Variants in DST observed in about 807,000 individuals in gnomAD.
DST encodes the protein bullous pemphigoid antigen.
In DST, 253 loss-of-function variants were observed where a neutral mutation model predicts 875.2. The ratio of observed to expected loss-of-function variants is 0.29; its 90% CI spans 0.26 to 0.32. DST has a LOEUF of 0.32. Among genes scored for constraint, DST ranks in the 10% least tolerant of loss-of-function variants. DST has a pLI of 1.00. For synonymous variants in DST, 3,124 were observed against 3,197.1 expected (o/e 0.98, Z 0.77); for missense variants, 8,287 against 9,111.6 (o/e 0.91, Z 3.68).
intron 3 of DST, among the ~76,000 whole-genome samples, chr6:56,889,223 T>C (rs1786111000): frequency 6.6e-6 from 1 of 152,176 alleles, no homozygotes; most frequent in Non-Finnish European, 1.5e-5. Flanking sequence ...TACAAATAAT[T>C]CTCACATCTT....
At position 56,458,133 on chromosome 6, in the gene DST, C is replaced by A. The variant is rs567385337; in HGVS notation, c.*872G>T. The stretch of plus-strand genomic sequence containing the variant: ...AACATGATTATTTCAGATGAGAAAT[C>A]AAAATAAACCCATTTTTAAGTATCT... On this transcript the variant is annotated 3_prime_UTR_variant, in exon 104 of 104. Transcript: ENST00000680361. The A allele has an allele frequency of 6.6e-6, 1 of 152,362 alleles. No individual in the cohort carries two copies. Among genetic ancestry groups the A allele is most frequent in the South Asian group, 2.1e-4 (1 of 4,792 alleles). 9.4% of individuals were successfully genotyped at this position (152,362 alleles called of 1,614,324 possible).
At chr6:56,707,569 G>A (rs193276437) in intron 5 of DST, among the ~76,000 whole-genome samples, 3 of 152,288 alleles carry the variant, frequency 2.0e-5, no homozygotes, top group Admixed American at 1.3e-4. Flanking sequence ...TAATAGTGCT[G>A]AGAATTCTGT....
intron 49 of DST, among the ~76,000 whole-genome samples, chr6:56,583,126 G>C (rs2098058031): frequency 6.6e-6 from 1 of 152,168 alleles, no homozygotes; most frequent in African/African-American, 2.4e-5. Context: ...TGGGATGGCT[G>C]GGTCAAATAG....
intron 4 of DST, among the ~76,000 whole-genome samples, chr6:56,781,892 A>C (rs543953617): frequency 1.3e-5 from 2 of 152,044 alleles, no homozygotes; most frequent in Admixed American, 1.3e-4. Flanking sequence ...TTTGAGATAC[A>C]TCCCATCAAT....
At chr6:56,807,136 C>T (rs560048442) in intron 4 of DST, among the ~76,000 whole-genome samples, 1 of 152,236 alleles carries the variant, frequency 6.6e-6, no homozygotes, top group Non-Finnish European at 1.5e-5. Context: ...CTGCAACCTC[C>T]GCTTCCCAGG....
intron 78 of DST, among the ~76,000 whole-genome samples, chr6:56,502,256 T>G (rs2152459874): frequency 6.6e-6 from 1 of 152,270 alleles, no homozygotes; most frequent in Admixed American, 6.5e-5. Flanking sequence ...GTTAATCATC[T>G]TGGCTTTGCC....
rs2099690314 is a variant in DST at position 56,780,307 on chromosome 6, T to C, written c.626-45018A>G. On this transcript the variant is annotated intron_variant, in intron 4 of 103. Coordinates refer to ENST00000680361, the MANE Select transcript of DST (RefSeq NM_001374736.1). ...ATCCCTGAGGAATCGCCACACTGTCTTCCACAACGGTTGAACTAGTTTACA... is the reference window on the plus strand; with the variant it reads ...ATCCCTGAGGAATCGCCACACTGTCCTCCACAACGGTTGAACTAGTTTACA... 2.6e-5 allele frequency among the ~76,000 whole-genome samples: 4 copies of C among 152,070 alleles called. No homozygotes were observed. In the South Asian group the frequency reaches 8.3e-4, roughly 32 times the overall value.
intron 3 of DST, among the ~76,000 whole-genome samples, chr6:56,861,526 T>C (rs773124789): frequency 6.6e-6 from 1 of 152,212 alleles, no homozygotes; most frequent in Non-Finnish European, 1.5e-5. Context: ...CTGACATTTG[T>C]TGCACATCCT....
Position 56,652,430 on chromosome 6 carries a change from C to T in DST, c.1215-1186G>A, listed in dbSNP as rs539656584. 2.0e-5 allele frequency among the ~76,000 whole-genome samples: 3 copies of T among 152,296 alleles called. No individual in the cohort carries two copies. The East Asian group carries it at 5.8e-4, about 29-fold the overall frequency. ...TGAGTAAGAACCTGTTGATAGCTTA[C>T]AAAGAAAGGCTCTCTACAAGCTCCA... On this transcript the variant is annotated intron_variant, in intron 10 of 103. Transcript: ENST00000680361.
chr6:56,537,377 T>G lies in DST; in HGVS notation c.16609-437A>C, dbSNP rs558555805. Reference sequence around the variant, plus strand: ...CAATCCTAATAGGCTCTCCTAAGAATGGCTGCTGCTAGCTGGCAACTGAAG... The same window carrying G: ...CAATCCTAATAGGCTCTCCTAAGAAGGGCTGCTGCTAGCTGGCAACTGAAG... On this transcript the variant is annotated intron_variant, in intron 61 of 103. Transcript: ENST00000680361. 3.9e-5 allele frequency among the ~76,000 whole-genome samples: 6 copies of G among 152,318 alleles called. No individual in the cohort carries two copies. The South Asian group carries it at 1.2e-3, about 32-fold the overall frequency.
chr6:56,832,424 C>A (rs538416902), intron 4 of DST, among the ~76,000 whole-genome samples: 1 of 152,196 alleles, frequency 6.6e-6, no homozygotes, highest in African/African-American at 2.4e-5. Context: ...TGTCTGCTGC[C>A]ATCCATGTAA....
chr6:56,618,469 C>A (rs767523875), intron 36 of DST: 3 of 1,614,160 alleles, frequency 1.9e-6, no homozygotes, highest in Non-Finnish European at 1.7e-6. Flanking sequence ...GATGTTCATG[C>A]TCTTTGATCT....
chr6:56,552,904 T>C lies in DST; in HGVS notation c.15888A>G (p.Leu5296=), dbSNP rs2097345646. ...GGGATCCCAGCGAATCATGGATATC[T>C]AGCTGCTCCTTTGCACACTGAAGCT... ...KRQLQCAKEQ[L]DIHDSLGSQA... Residue 5296 remains leucine, a synonymous_variant, in exon 61 of 104, where the codon CTA becomes CTG. Transcript: ENST00000680361. The C allele has an allele frequency of 1.9e-6, 3 of 1,614,036 alleles. No individual in the cohort carries two copies. The highest frequency in any genetic ancestry group is 1.1e-5 in the South Asian group (1 of 91,090).
rs562890046 is a variant in DST, at chr6:56,682,052, C to T, written c.1048-11245G>A. On this transcript the variant is annotated intron_variant, in intron 9 of 103. Transcript: ENST00000680361. ...TAACCAAAACCTAGTGTTTGTCCTACAAGTTCAAAGAGAGTGTAACGGGGA... is the reference window on the plus strand; with the variant it reads ...TAACCAAAACCTAGTGTTTGTCCTATAAGTTCAAAGAGAGTGTAACGGGGA... Among the ~76,000 whole-genome samples the T allele has an allele frequency of 8.5e-5, 13 of 152,344 alleles. No homozygotes were observed. In the South Asian group the frequency reaches 2.7e-3, roughly 32 times the overall value.
At chr6:56,593,516 CAAAAA>C (rs58251502) in intron 48 of DST, 142 bp downstream of exon 48, 14 of 313,098 alleles carry the variant, frequency 4.5e-5, no homozygotes, top group South Asian at 2.5e-4. Context: ...GACTCCTTCT[CAAAAA>C]AAAAAAAAAA....
rs781605653 is a variant in DST at position 56,485,269 on chromosome 6, A to T, written c.21207+43T>A. 58 of 1,607,436 alleles carry T rather than the reference A, an allele frequency of 3.6e-5. No individual in the cohort carries two copies. The South Asian group carries it at 6.1e-4, about 17-fold the overall frequency. The stretch of plus-strand genomic sequence containing the variant: ...TGGTTTACATTTCCTGTACACTCAG[A>T]ATAATCAAACAAGATAAAATAAAAT... On this transcript the variant is annotated intron_variant, in intron 88 of 103. Coordinates refer to ENST00000680361, the MANE Select transcript of DST (RefSeq NM_001374736.1).
intron 9 of DST, among the ~76,000 whole-genome samples, chr6:56,685,042 T>TA (rs2099175133): frequency 7.3e-6 from 1 of 137,478 alleles, no homozygotes; most frequent in Non-Finnish European, 1.6e-5. Flanking sequence ...TTATGTTCTC[T>TA]TCCTCTCTCA....
In DST at chr6:56,704,330, C is replaced by T. The variant is rs763734708; in HGVS notation, c.727G>A (p.Asp243Asn). The part of the protein sequence containing the change: ...HVNDLYEDLR[D>N]GHNLISLLEV... ...AAAAGAGAAATCAAATTGTGTCCAT[C>T]CCTTAAGTCTTCATAGAGATCATTC... The change falls in exon 6 of 104, where the codon GAT (aspartate) becomes AAT (asparagine). Residue 243 changes from aspartate (D) to asparagine (N), a missense_variant. This residue lies in a region of DST where 1,160 missense variants were observed against 1,424.3 expected (regional missense o/e 0.81). Coordinates refer to ENST00000680361, the MANE Select transcript of DST (RefSeq NM_001374736.1). 1 of 1,578,608 alleles carries T rather than the reference C, an allele frequency of 6.3e-7. No individual in the cohort carries two copies. Among genetic ancestry groups the T allele is most frequent in the African/African-American group, 1.4e-5 (1 of 73,976 alleles).
At chr6:56,474,097 T>G (rs2095046026) in intron 92 of DST, 95 bp from the exon 93 acceptor site, 1 of 1,086,132 alleles carries the variant, frequency 9.2e-7, no homozygotes, top group Non-Finnish European at 1.3e-6. Context: ...AGAACCATGT[T>G]ATTATTTCTG....
Sources: gnomAD v4.1 joint callset for allele counts (sites outside exome capture counted in the v4.1 genomes callset) on GRCh38, gnomAD v4.1.1 for gene constraint, gnomAD v4.1.1 regional missense constraint, MANE v1.5 for transcripts, NCBI Gene and HGNC (gene_info 2026-07-23, HGNC 2026-07-21) for gene names.